The following STUM variants were observed in gnomAD, a reference collection of about 807,000 sequenced individuals.
STUM encodes the protein protein stum homolog.
STUM carries 8 observed loss-of-function variants against 15.3 expected under a neutral mutation model. That is an observed-to-expected ratio of 0.52 (90% CI 0.31 to 0.94). STUM has a LOEUF of 0.94. Ranked by LOEUF, STUM falls within the 40% of genes least tolerant of loss-of-function variation. The pLI, the probability that STUM is intolerant of heterozygous loss-of-function variation, is 0.05. For missense variants in STUM, 142 were observed against 204.9 expected (o/e 0.69, Z 1.87); for synonymous variants, 78 against 88.7 (o/e 0.88, Z 0.68).
chr1:226,585,627 G>A (rs1667984255), intron 1 of STUM, among the ~76,000 whole-genome samples: 2 of 152,244 alleles, frequency 1.3e-5, no homozygotes, highest in South Asian at 4.2e-4. Context: ...TATCCTGCCT[G>A]CCCCGCCTCA....
intron 1 of STUM, among the ~76,000 whole-genome samples, chr1:226,560,842 C>T (rs1404982307): frequency 6.6e-6 from 1 of 152,222 alleles, no homozygotes; most frequent in Non-Finnish European, 1.5e-5. Flanking sequence ...TTCTCCTCCC[C>T]TGAAATTTTT....
intron 3 of STUM, among the ~76,000 whole-genome samples, chr1:226,601,119 C>T (rs1167949228): frequency 1.3e-5 from 2 of 150,582 alleles, no homozygotes; most frequent in East Asian, 2.0e-4. Context: ...CAGTAGGTAT[C>T]GTTTTTTTTT....
In STUM at chr1:226,602,239, G is replaced by T. The variant is rs150754455; in HGVS notation, c.*199G>T. 1 of 581,786 alleles carries T rather than the reference G, an allele frequency of 1.7e-6. No individual in the cohort carries two copies. Among genetic ancestry groups the T allele is most frequent in the Non-Finnish European group, 3.1e-6 (1 of 326,652 alleles). 36.0% of individuals were successfully genotyped at this position (581,786 alleles called of 1,614,324 possible). On this transcript the variant is annotated 3_prime_UTR_variant, in exon 4 of 4. Coordinates refer to ENST00000366788, the MANE Select transcript of STUM (RefSeq NM_001003665.4). ...GTTGTGAGGGCTGCCAGCCCCTCCTGCTCTGGAAAGCACTGTGGGCGCAGG... is the reference window on the plus strand; with the variant it reads ...GTTGTGAGGGCTGCCAGCCCCTCCTTCTCTGGAAAGCACTGTGGGCGCAGG...
intron 1 of STUM, among the ~76,000 whole-genome samples, chr1:226,554,412 A>G (rs1480256576): frequency 1.3e-5 from 2 of 152,216 alleles, no homozygotes; most frequent in Non-Finnish European, 2.9e-5. Flanking sequence ...GAGTCAAGAG[A>G]TGCTGTCTGT....
At chr1:226,562,027 G>A (rs1667549630) in intron 1 of STUM, among the ~76,000 whole-genome samples, 1 of 151,266 alleles carries the variant, frequency 6.6e-6, no homozygotes, top group African/African-American at 2.4e-5. Flanking sequence ...GGGGAAGTGG[G>A]GAGTGACCAT....
intron 2 of STUM, chr1:226,597,453 CA>C (rs1486535228): frequency 1.9e-5 from 9 of 472,412 alleles, no homozygotes; most frequent in Middle Eastern, 3.2e-4. Flanking sequence ...TAATTGACCT[CA>C]CCTCTCAGGC....
At position 226,596,950 on chromosome 1, in the gene STUM, C is replaced by A. The variant is rs775392050; in HGVS notation, c.351C>A (p.Ile117=). 1.9e-6 allele frequency: 3 copies of A among 1,614,256 alleles called. No homozygotes were observed. Among genetic ancestry groups the A allele is most frequent in the South Asian group, 1.1e-5 (1 of 91,090 alleles). ...AIVMVGWIMS[I]FWGMDMVILA... ...TCATGGTGGGCTGGATCATGAGCATCTTCTGGGGCATGGACATGGTCATCC... is the reference window on the plus strand; with the variant it reads ...TCATGGTGGGCTGGATCATGAGCATATTCTGGGGCATGGACATGGTCATCC... Residue 117 remains isoleucine (I), a synonymous_variant, in exon 2 of 4, where the codon ATC becomes ATA. Coordinates refer to ENST00000366788, the MANE Select transcript of STUM (RefSeq NM_001003665.4).
At chr1:226,569,763 G>A (rs1225428641) in intron 1 of STUM, among the ~76,000 whole-genome samples, 1 of 152,216 alleles carries the variant, frequency 6.6e-6, no homozygotes, top group African/African-American at 2.4e-5. Flanking sequence ...GCTACTCCCA[G>A]CTGTGGCCTG....
At chr1:226,560,759 A>G (rs919343905) in intron 1 of STUM, among the ~76,000 whole-genome samples, 1 of 152,148 alleles carries the variant, frequency 6.6e-6, no homozygotes, top group African/African-American at 2.4e-5. Context: ...CTGTGGTATA[A>G]TGCTCCCATT....
At chr1:226,595,023 T>A (rs1053607959) in intron 1 of STUM, among the ~76,000 whole-genome samples, 2 of 152,168 alleles carry the variant, frequency 1.3e-5, no homozygotes, top group East Asian at 3.9e-4. Flanking sequence ...CCACGATAGG[T>A]TGACTGCGAG....
At chr1:226,582,743 G>A (rs1372717619) in intron 1 of STUM, among the ~76,000 whole-genome samples, 1 of 152,176 alleles carries the variant, frequency 6.6e-6, no homozygotes, top group Non-Finnish European at 1.5e-5. Context: ...AGGGTAGGCT[G>A]TCTCCTGAAG....
chr1:226,585,656 G>A (rs1465748732), intron 1 of STUM, among the ~76,000 whole-genome samples: 3 of 152,182 alleles, frequency 2.0e-5, no homozygotes, highest in Non-Finnish European at 4.4e-5. Flanking sequence ...TCAGAGGACT[G>A]ACCACACAGC....
intron 3 of STUM, among the ~76,000 whole-genome samples, chr1:226,601,279 T>A (rs1055415981): frequency 1.3e-5 from 2 of 152,096 alleles, no homozygotes; most frequent in Non-Finnish European, 1.5e-5. Context: ...GGCACATGCC[T>A]CCACGCCCAG....
chr1:226,568,785 G>A (rs1046424722), intron 1 of STUM, among the ~76,000 whole-genome samples: 6 of 152,268 alleles, frequency 3.9e-5, no homozygotes, highest in Non-Finnish European at 5.9e-5. Flanking sequence ...CCCCTGCGAC[G>A]TTGCTCTCTG....
chr1:226,571,475 C>T (rs1490112613), intron 1 of STUM, among the ~76,000 whole-genome samples: 1 of 152,086 alleles, frequency 6.6e-6, no homozygotes. Flanking sequence ...GTTAATATTA[C>T]TTTGGTTATT....
intron 1 of STUM, among the ~76,000 whole-genome samples, chr1:226,573,819 A>T (rs894991958): frequency 3.3e-5 from 5 of 151,362 alleles, no homozygotes; most frequent in Non-Finnish European, 7.4e-5. Flanking sequence ...CTCCTAGTGA[A>T]TTTCCAGTGT....
intron 1 of STUM, among the ~76,000 whole-genome samples, chr1:226,560,162 A>C (rs890157230): frequency 1.3e-5 from 2 of 152,198 alleles, no homozygotes; most frequent in Non-Finnish European, 2.9e-5. Context: ...AAGACAAAAA[A>C]ACACACAAAG....
chr1:226,563,719 T>C (rs76822730), intron 1 of STUM, among the ~76,000 whole-genome samples: 11,094 of 152,346 alleles, frequency 0.073, 580 homozygotes, highest in Non-Finnish European at 0.11. Flanking sequence ...AAGTTGTCCA[T>C]GGACCTCAAA....
At chr1:226,591,423 C>T (rs908833569) in intron 1 of STUM, among the ~76,000 whole-genome samples, 1 of 152,134 alleles carries the variant, frequency 6.6e-6, no homozygotes, top group Admixed American at 6.5e-5. Context: ...CCTCTGACAC[C>T]ACACACATGC....
Sources: allele counts gnomAD v4.1 joint callset (sites outside exome capture counted in the v4.1 genomes callset), GRCh38; gene constraint gnomAD v4.1.1; transcripts MANE v1.5; gene names NCBI Gene and HGNC (gene_info 2026-07-23, HGNC 2026-07-21).